Variants in MCCC1 observed in about 807,000 individuals in gnomAD.
MCCC1 encodes the protein methylcrotonyl-CoA carboxylase subunit 1.
A neutral mutation model predicts 83.8 loss-of-function variants in MCCC1; 64 were observed. The ratio of observed to expected loss-of-function variants is 0.76; its 90% confidence interval spans 0.62 to 0.94. The LOEUF (loss-of-function observed/expected upper bound fraction) is 0.94. Ranked by LOEUF, MCCC1 falls within the 40% of genes least tolerant of loss-of-function variation. The probability of loss-of-function intolerance (pLI) is 0.00; values close to 1 mark genes in which losing one functional copy is unlikely to be tolerated. For synonymous variants in MCCC1, 322 were observed against 315.4 expected (o/e 1.02, Z -0.22); for missense variants, 807 against 904.7 (o/e 0.89, Z 1.39).
chr3:183,058,591 T>C (rs540682570), intron 7 of MCCC1, among the ~76,000 whole-genome samples: 3 of 152,292 alleles, frequency 2.0e-5, no homozygotes, highest in Non-Finnish European at 4.4e-5. Context: ...ATTGCGCCAC[T>C]GCATTCCAGC....
intron 1 of MCCC1, among the ~76,000 whole-genome samples, chr3:183,113,309 A>G (rs987789229): frequency 6.6e-6 from 1 of 150,874 alleles, no homozygotes; most frequent in Non-Finnish European, 1.5e-5. Context: ...ACAGCAAACT[A>G]TCGCAAGGAC....
At chr3:183,050,770 T>A (rs1714918260) in intron 9 of MCCC1, among the ~76,000 whole-genome samples, 1 of 149,632 alleles carries the variant, frequency 6.7e-6, no homozygotes, top group Admixed American at 6.6e-5. Flanking sequence ...AGACTGACAG[T>A]GTTTGCAAAG....
At chr3:183,080,773 G>C (rs114357829) in intron 4 of MCCC1, among the ~76,000 whole-genome samples, 107 of 152,310 alleles carry the variant, frequency 7.0e-4, no homozygotes, top group African/African-American at 2.5e-3. Context: ...TTAGTGGCTG[G>C]ATAGGCCTCA....
chr3:183,108,041 A>T (rs76787352), intron 1 of MCCC1, among the ~76,000 whole-genome samples: 3,248 of 152,334 alleles, frequency 0.021, 119 homozygotes, highest in African/African-American at 0.075. Flanking sequence ...AGCTTCCTAA[A>T]TGAGGAAGTA....
intron 3 of MCCC1, among the ~76,000 whole-genome samples, chr3:183,092,001 G>A (rs1159846737): frequency 4.6e-5 from 7 of 151,202 alleles, no homozygotes; most frequent in South Asian, 4.2e-4. Context: ...GCAGTGAGTC[G>A]GGATTGTGCC....
At chr3:183,022,805 TATAG>T (rs576528152) in intron 15 of MCCC1, 17 of 378,242 alleles carry the variant, frequency 4.5e-5, no homozygotes, top group African/African-American at 3.1e-4. Context: ...ACCATAATGC[TATAG>T]ATAAAGGTTC....
At chr3:183,112,539 A>G (rs113498204) in intron 1 of MCCC1, among the ~76,000 whole-genome samples, 11 of 152,362 alleles carry the variant, frequency 7.2e-5, no homozygotes, top group Admixed American at 2.6e-4. Flanking sequence ...TACCATTACA[A>G]GAGTGGGTAG....
chr3:183,046,095 T>A (rs1714536370), intron 9 of MCCC1, among the ~76,000 whole-genome samples: 1 of 152,220 alleles, frequency 6.6e-6, no homozygotes, highest in African/African-American at 2.4e-5. Context: ...CTGTAACTAT[T>A]TGAAGTGTAG....
chr3:183,115,871 C>T (rs1435438243), exon 1 of MCCC1: 2 of 151,968 alleles, frequency 1.3e-5, no homozygotes, highest in African/African-American at 4.8e-5. Flanking sequence ...AAAAAAAAGT[C>T]CTAAATGTGA....
Position 183,066,389 on chromosome 3 carries a change from C to G in MCCC1, c.761+4610G>C, listed in dbSNP as rs368484100. ...GCACAATCTCAGTTCACTGCAACCTCCGCCTCCCAGGTTCAAGTGATTCTC... is the reference window on the plus strand; with the variant it reads ...GCACAATCTCAGTTCACTGCAACCTGCGCCTCCCAGGTTCAAGTGATTCTC... On this transcript the variant is annotated intron_variant, in intron 7 of 18. Coordinates refer to ENST00000265594, the MANE Select transcript of MCCC1 (RefSeq NM_020166.5). 1.6e-4 allele frequency among the ~76,000 whole-genome samples: 25 copies of G among 152,180 alleles called. No homozygotes were observed. The East Asian group carries it at 3.1e-3, about 19-fold the overall frequency.
intron 9 of MCCC1, among the ~76,000 whole-genome samples, chr3:183,050,465 G>A (rs1166410675): frequency 6.6e-6 from 1 of 152,152 alleles, no homozygotes; most frequent in Non-Finnish European, 1.5e-5. Flanking sequence ...CACTTTGGGA[G>A]GCTGAGGTGG....
chr3:183,112,014 A>G (rs1206926670), intron 1 of MCCC1, among the ~76,000 whole-genome samples: 2 of 152,176 alleles, frequency 1.3e-5, no homozygotes, highest in Admixed American at 1.3e-4. Context: ...TCCTCAATAA[A>G]TGGAAGTGCT....
rs368162027 is a variant in MCCC1, at chr3:183,028,025, T to C, written c.1682-2221A>G. 5.2e-4 allele frequency among the ~76,000 whole-genome samples: 79 copies of C among 152,320 alleles called. No homozygotes were observed. The South Asian group carries it at 0.015, about 30-fold the overall frequency. ...AGGAAGATGCCATCTAGGACTTTCA[T>C]AGCTGGAGTGGAGAAGTCAATACCT... On this transcript the variant is annotated intron_variant, in intron 14 of 18. Transcript: ENST00000265594.
intron 12 of MCCC1, among the ~76,000 whole-genome samples, chr3:183,038,052 C>A (rs748594377): frequency 7.9e-5 from 12 of 152,174 alleles, no homozygotes; most frequent in Non-Finnish European, 1.2e-4. Flanking sequence ...CATTTAACAG[C>A]CATTTCCTGA....
chr3:183,061,560 G>A (rs1308361761), intron 7 of MCCC1, among the ~76,000 whole-genome samples: 1 of 152,136 alleles, frequency 6.6e-6, no homozygotes, highest in African/African-American at 2.4e-5. Flanking sequence ...TTTCTCACTT[G>A]CACACTGGCC....
At chr3:183,108,028 T>C (rs1000531459) in intron 1 of MCCC1, among the ~76,000 whole-genome samples, 1 of 152,250 alleles carries the variant, frequency 6.6e-6, no homozygotes, top group African/African-American at 2.4e-5. Context: ...GAGACCTCTG[T>C]GCAGCTTCCT....
chr3:183,042,979 G>GT (rs1223474522), intron 10 of MCCC1, among the ~76,000 whole-genome samples: 2 of 152,202 alleles, frequency 1.3e-5, no homozygotes, highest in Admixed American at 6.5e-5. Flanking sequence ...CTTGGAACCA[G>GT]TTTTTTAACG....
chr3:183,020,812 C>T lies in MCCC1; in HGVS notation c.1870-575G>A, dbSNP rs563993550. On this transcript the variant is annotated intron_variant, in intron 16 of 18. Coordinates refer to ENST00000265594, the MANE Select transcript of MCCC1 (RefSeq NM_020166.5). ...CCGTGGCTCACGCCTGTAATCCCAG[C>T]ACTTTAGGAGGCCAAGGTGGGCAGA... Among the ~76,000 whole-genome samples, 68 of 152,298 alleles carry T rather than the reference C, an allele frequency of 4.5e-4. No homozygotes were observed. In the South Asian group the frequency reaches 0.013, roughly 28 times the overall value.
At chr3:183,099,183 T>C (rs1258956927) in intron 1 of MCCC1, 169 bp downstream of exon 1, 5 of 713,874 alleles carry the variant, frequency 7.0e-6, no homozygotes, top group African/African-American at 7.0e-5. Context: ...TGGGGATGTC[T>C]TCCTCCCGAC....
Sources: gnomAD v4.1 joint callset for allele counts (sites outside exome capture counted in the v4.1 genomes callset) on GRCh38, gnomAD v4.1.1 for gene constraint, MANE v1.5 for transcripts, NCBI Gene and HGNC (gene_info 2026-07-23, HGNC 2026-07-21) for gene names.